The following TTC21B variants were observed in gnomAD, a reference collection of about 807,000 sequenced individuals.
TTC21B encodes the protein tetratricopeptide repeat protein 21B.
TTC21B carries 127 observed loss-of-function variants against 175.1 expected under a neutral mutation model. The ratio of observed to expected loss-of-function variants is 0.73; its 90% CI spans 0.63 to 0.84. The LOEUF is 0.84. Ranked by LOEUF, TTC21B falls within the 40% of genes least tolerant of loss-of-function variation. The probability of loss-of-function intolerance (pLI) is 0.00; values close to 1 mark genes in which losing one functional copy is unlikely to be tolerated. For missense variants in TTC21B, 1,561 were observed against 1,558.3 expected (o/e 1.00, Z -0.03); for synonymous variants, 524 against 524.5 (o/e 1.00, Z 0.01).
At chr2:165,937,831 G>GA (rs1687213845) in intron 6 of TTC21B, among the ~76,000 whole-genome samples, 3 of 101,100 alleles carry the variant, frequency 3.0e-5, no homozygotes, top group Admixed American at 9.2e-5. Context: ...ACAGTGCCTA[G>GA]AAAAAAAATC....
chr2:165,925,574 G>A (rs979346106), intron 11 of TTC21B, among the ~76,000 whole-genome samples: 6 of 152,030 alleles, frequency 3.9e-5, no homozygotes, highest in Non-Finnish European at 8.8e-5. Context: ...TTACCAACAA[G>A]AAAGTGCTAC....
At chr2:165,930,061 C>G in intron 9 of TTC21B, 111 bp downstream of exon 9, 1 of 1,022,304 alleles carries the variant, frequency 9.8e-7, no homozygotes. Flanking sequence ...CAGTAGAGAA[C>G]AATTTAAGTT....
intron 22 of TTC21B, among the ~76,000 whole-genome samples, chr2:165,892,418 T>C (rs1685225985): frequency 6.6e-6 from 1 of 152,166 alleles, no homozygotes; most frequent in Non-Finnish European, 1.5e-5. Context: ...CCAACATTCA[T>C]AGCAGCAACC....
rs780759718 is a variant in TTC21B, at chr2:165,919,348, C to G, written c.1602G>C (p.Gln534His). Residue 534 changes from glutamine (Q) to histidine (H), a missense_variant, in exon 13 of 29, where the codon CAG becomes CAC. Physicochemically the swap from Gln to His is conservative, Grantham distance 24. Coordinates refer to ENST00000243344, the MANE Select transcript of TTC21B (RefSeq NM_024753.5). Reference sequence around the variant, plus strand: ...TGACTTTTTCTTGAGACAAGTAAACCTGAGCTAGCAGCAGATGAGCATCAG... The same window carrying G: ...TGACTTTTTCTTGAGACAAGTAAACGTGAGCTAGCAGCAGATGAGCATCAG... ...SYADAHLLLAQVYLSQEKVKL... is the reference protein window; with the variant it reads ...SYADAHLLLAHVYLSQEKVKL... 1 of 1,614,020 alleles carries G rather than the reference C, an allele frequency of 6.2e-7. No homozygotes were observed. The highest frequency in any genetic ancestry group is 2.2e-5 in the East Asian group (1 of 44,858).
chr2:165,896,839 C>T (rs547702857), intron 22 of TTC21B, among the ~76,000 whole-genome samples: 392 of 152,308 alleles, frequency 2.6e-3, no homozygotes, highest in Non-Finnish European at 4.6e-3. Context: ...GATAACATTT[C>T]CCACCTTCTT....
intron 5 of TTC21B, among the ~76,000 whole-genome samples, chr2:165,941,733 G>A (rs934182759): frequency 6.6e-6 from 1 of 151,962 alleles, no homozygotes; most frequent in Non-Finnish European, 1.5e-5. Flanking sequence ...TGGCAGAATT[G>A]TTTATGTATA....
At chr2:165,886,842 G>A (rs1685014665) in intron 25 of TTC21B, among the ~76,000 whole-genome samples, 1 of 152,108 alleles carries the variant, frequency 6.6e-6, no homozygotes, top group Non-Finnish European at 1.5e-5. Context: ...GCTTCCTCAT[G>A]TTCCTAGAGA....
rs1347025137 is a variant in TTC21B, at chr2:165,880,713, T to C, written c.3771A>G (p.Ala1257=). 7 of 1,613,678 alleles carry C rather than the reference T, an allele frequency of 4.3e-6. No homozygotes were observed. In the East Asian group the frequency reaches 1.3e-4, roughly 31 times the overall value. The change falls in exon 27 of 29, where the codon GCA becomes GCG. Residue 1257 remains alanine (A), a synonymous_variant. Coordinates refer to ENST00000243344, the MANE Select transcript of TTC21B (RefSeq NM_024753.5). The stretch of plus-strand genomic sequence containing the variant: ...GATTTGTCCGATTGCTATATTTCCA[T>C]GCCATCTCATAGTTCAAGGCAGCAT... ...YTDAALNYEM[A]WKYSNRTNPA... is the part of the protein sequence containing the mutation.
chr2:165,880,632 T>C, intron 27 of TTC21B, 47 bp downstream of exon 27: 1 of 1,605,350 alleles, frequency 6.2e-7, no homozygotes, highest in Non-Finnish European at 8.5e-7. Context: ...AATTAATAAA[T>C]ACAACATAAT....
In TTC21B at chr2:165,941,445, G is replaced by A. The variant is rs373876993; in HGVS notation, c.553-261C>T. 2.7e-4 allele frequency among the ~76,000 whole-genome samples: 40 copies of A among 149,652 alleles called. No homozygotes were observed. In the South Asian group the frequency reaches 6.8e-3, roughly 26 times the overall value. The stretch of plus-strand genomic sequence containing the variant: ...GGATAAAATTTTTTAAAATGTTCTC[G>A]GAAATACCATAAAATAATGTTTCCA... On this transcript the variant is annotated intron_variant, in intron 5 of 28. Coordinates refer to ENST00000243344, the MANE Select transcript of TTC21B (RefSeq NM_024753.5).
intron 21 of TTC21B, among the ~76,000 whole-genome samples, 168 bp from the exon 22 acceptor site, chr2:165,898,935 T>G (rs1685461692): frequency 6.6e-6 from 1 of 152,220 alleles, no homozygotes; most frequent in East Asian, 1.9e-4. Flanking sequence ...GCAGAATAAC[T>G]TGCAGATCAG....
At chr2:165,919,974 T>C (rs1342361651) in intron 12 of TTC21B, among the ~76,000 whole-genome samples, 2 of 152,018 alleles carry the variant, frequency 1.3e-5, no homozygotes, top group Non-Finnish European at 2.9e-5. Flanking sequence ...TAAATACCAA[T>C]GGAAATAATG....
intron 20 of TTC21B, among the ~76,000 whole-genome samples, chr2:165,900,123 C>T (rs1045732587): frequency 2.7e-5 from 4 of 149,952 alleles, no homozygotes; most frequent in Admixed American, 6.7e-5. Flanking sequence ...AGACATAATG[C>T]ATTGTGAAAA....
rs550682827 is a variant in TTC21B, at chr2:165,898,536, T to C, written c.2950+150A>G. On this transcript the variant is annotated intron_variant, in intron 22 of 28. Coordinates refer to ENST00000243344, the MANE Select transcript of TTC21B (RefSeq NM_024753.5). ...CAGTGTTGCAATTTCCTTATAGCCATTTCAGCTACTCAAGCCCATGTGTGG... is the reference window on the plus strand; with the variant it reads ...CAGTGTTGCAATTTCCTTATAGCCACTTCAGCTACTCAAGCCCATGTGTGG... 4.0e-4 allele frequency: 283 copies of C among 701,926 alleles called. 4 individuals carry two copies. The South Asian group carries it at 4.2e-3, about 10-fold the overall frequency. The allele number at this position is 701,926 out of a possible 1,614,324, so 43.5% of individuals were successfully genotyped here. A position where few individuals can be genotyped will look rare whatever the true frequency, so the allele number is the denominator to read the frequency against.
At chr2:165,916,207 G>C (rs941602657) in intron 14 of TTC21B, among the ~76,000 whole-genome samples, 2 of 152,206 alleles carry the variant, frequency 1.3e-5, no homozygotes, top group African/African-American at 4.8e-5. Context: ...AGGTTGCAGT[G>C]AGCTATGATT....
At chr2:165,925,140 G>T (rs1254610895) in intron 11 of TTC21B, among the ~76,000 whole-genome samples, 1 of 152,038 alleles carries the variant, frequency 6.6e-6, no homozygotes, top group Non-Finnish European at 1.5e-5. Context: ...GTTTTTTAAA[G>T]AATTCAGATT....
chr2:165,934,500 CA>C lies in TTC21B; in HGVS notation c.711-1444del, dbSNP rs369089707. Reference sequence around the variant, plus strand: ...CTGGGCAACAAGCGAGACTCTGTCTCAAAAAAAAAAAAAAAAAAAAAGAAAA... The same window carrying C: ...CTGGGCAACAAGCGAGACTCTGTCTCAAAAAAAAAAAAAAAAAAAAGAAAA... On this transcript the variant is annotated intron_variant, in intron 6 of 28. Transcript: ENST00000243344. 9.9e-3 allele frequency among the ~76,000 whole-genome samples: 713 copies of C among 71,892 alleles called. 10 individuals are homozygous for C. Among genetic ancestry groups the C allele is most frequent in the Admixed American group, 0.056 (305 of 5,408 alleles). The allele number at this position is 71,892 out of a possible 152,430, so 47.2% of individuals were successfully genotyped here. A position where few individuals can be genotyped will look rare whatever the true frequency, so the allele number is the denominator to read the frequency against.
At chr2:165,922,129 ATACT>A (rs1309210541) in intron 12 of TTC21B, among the ~76,000 whole-genome samples, 2 of 152,258 alleles carry the variant, frequency 1.3e-5, no homozygotes, top group African/African-American at 2.4e-5. Flanking sequence ...CACAATATAA[ATACT>A]TAATAAATTA....
chr2:165,937,079 C>G (rs1198706059), intron 6 of TTC21B, among the ~76,000 whole-genome samples: 1 of 151,624 alleles, frequency 6.6e-6, no homozygotes, highest in African/African-American at 2.4e-5. Context: ...TGTGGTACAT[C>G]GAAACAATGA....
Sources: gnomAD v4.1 joint callset for allele counts (sites outside exome capture counted in the v4.1 genomes callset) on GRCh38, gnomAD v4.1.1 for gene constraint, MANE v1.5 for transcripts, NCBI Gene and HGNC (gene_info 2026-07-23, HGNC 2026-07-21) for gene names.